The following PSME4 variants were observed in gnomAD, a reference collection of about 807,000 sequenced individuals.
The protein encoded by PSME4 is proteasome activator subunit 4.
A neutral mutation model predicts 253.9 loss-of-function variants in PSME4; 89 were observed. That is an observed-to-expected ratio of 0.35 (90% CI 0.30 to 0.42). The LOEUF (loss-of-function observed/expected upper bound fraction) is 0.42, where lower values mean the gene tolerates loss of function less well. Ranked by LOEUF, PSME4 falls within the 10% of genes least tolerant of loss-of-function variation. PSME4 has a pLI of 1.00. For synonymous variants in PSME4, 851 were observed against 759.2 expected, an observed-to-expected ratio of 1.12 and a Z score of -1.99; for missense variants, 2,014 against 2,195.2, an observed-to-expected ratio of 0.92 and a Z score of 1.65.
At chr2:53,898,076 T>C (rs902241944) in intron 30 of PSME4, 77 bp from the exon 31 acceptor site, 14 of 1,479,608 alleles carry the variant, frequency 9.5e-6, no homozygotes, top group Admixed American at 2.2e-5. Flanking sequence ...TGAAACACCT[T>C]ATAATTTTAA....
intron 36 of PSME4, among the ~76,000 whole-genome samples, chr2:53,890,669 G>T (rs1679863196): frequency 6.6e-6 from 1 of 152,060 alleles, no homozygotes; most frequent in African/African-American, 2.4e-5. Context: ...ACATATCCAG[G>T]TATAGGTGAA....
chr2:53,966,320 CTTAAT>C lies in PSME4; in HGVS notation c.242+4218_242+4222del, dbSNP rs376871122. The stretch of plus-strand genomic sequence containing the variant: ...AAATAAAAAATAAAACACTCCACTA[CTTAAT>C]TTAAAGTTTGAAAAACCACTAATAA... On this transcript the variant is annotated intron_variant, in intron 1 of 46. Coordinates refer to ENST00000404125, the MANE Select transcript of PSME4 (RefSeq NM_014614.3). Among the ~76,000 whole-genome samples the C allele has an allele frequency of 4.6e-3, 697 of 152,222 alleles. 9 individuals are homozygous for C. Among genetic ancestry groups the C allele is most frequent in the African/African-American group, 0.016 (666 of 41,554 alleles).
chr2:53,920,863 A>G (rs766915087), intron 18 of PSME4, 26 bp downstream of exon 18: 12 of 1,534,530 alleles, frequency 7.8e-6, no homozygotes, highest in Non-Finnish European at 9.9e-6. Flanking sequence ...CATATTCTTG[A>G]ATCCTAAAGT....
At chr2:53,926,490 A>G (rs1056524810) in intron 12 of PSME4, among the ~76,000 whole-genome samples, 3 of 152,176 alleles carry the variant, frequency 2.0e-5, no homozygotes, top group Non-Finnish European at 4.4e-5. Context: ...TCTGGCCAAC[A>G]TGGCAAAACC....
rs150492878 is a variant in PSME4 at position 53,927,263 on chromosome 2, C to T, written c.1593+131G>A. The T allele has an allele frequency of 4.9e-4, 328 of 670,574 alleles. 2 individuals are homozygous for T. The highest frequency in any genetic ancestry group is 3.1e-3 in the Middle Eastern group (9 of 2,912). The allele number at this position is 670,574 out of a possible 1,614,324, so 41.5% of individuals were successfully genotyped here. A position where few individuals can be genotyped will look rare whatever the true frequency, so the allele number is the denominator to read the frequency against. ...TCTTGCCAATGATGTCCTGGCCCTC[C>T]ATATGTACCATTCTAGTCACAAAAT... is the stretch of plus-strand genomic sequence containing the variant. On this transcript the variant is annotated intron_variant, in intron 12 of 46. Transcript: ENST00000404125.
At chr2:53,912,571 A>G (rs1667871255) in intron 20 of PSME4, among the ~76,000 whole-genome samples, 1 of 152,126 alleles carries the variant, frequency 6.6e-6, no homozygotes, top group African/African-American at 2.4e-5. Context: ...GGACTCACAT[A>G]CACCTCAGGC....
At chr2:53,924,725 T>C (rs1404870168) in intron 14 of PSME4, among the ~76,000 whole-genome samples, 2 of 152,212 alleles carry the variant, frequency 1.3e-5, no homozygotes, top group African/African-American at 2.4e-5. Context: ...CTGCACCCAT[T>C]AACTCGTCAC....
At chr2:53,917,366 ACTT>A (rs1668108506) in intron 20 of PSME4, 2 of 152,314 alleles carry the variant, frequency 1.3e-5, no homozygotes, top group South Asian at 2.1e-4. Context: ...ATTAAAATGC[ACTT>A]CATTATAAAA....
chr2:53,871,373 C>T (rs889443664), intron 43 of PSME4, among the ~76,000 whole-genome samples: 10 of 151,990 alleles, frequency 6.6e-5, no homozygotes, highest in African/African-American at 2.4e-4. Context: ...GCCTCAGCCT[C>T]CCAAGTAGCT....
At chr2:53,952,218 G>T (rs1015155551) in intron 1 of PSME4, among the ~76,000 whole-genome samples, 3 of 151,974 alleles carry the variant, frequency 2.0e-5, no homozygotes, top group Non-Finnish European at 4.4e-5. Flanking sequence ...GGCAGATCAC[G>T]TGAGATTAGG....
At chr2:53,890,051 A>C (rs1679833322) in intron 37 of PSME4, 53 bp downstream of exon 37, 2 of 1,331,240 alleles carry the variant, frequency 1.5e-6, no homozygotes, top group Admixed American at 3.5e-5. Context: ...GAGAGACAGT[A>C]TCAAACAGTT....
In PSME4 at chr2:53,939,979, T is replaced by A; in HGVS notation, c.522A>T (p.Lys174Asn). ...ACGGTCGGCAGCTTTTCACGAGTGT[T>A]TTGAGAATATTTTCTACAGAACTGG... ...WFPNSVENILKTLVKSCRPYF... is the reference protein window; with the variant it reads ...WFPNSVENILNTLVKSCRPYF... The change falls in exon 4 of 47, where the codon AAA becomes AAT. Residue 174 changes from lysine to asparagine, a missense_variant. Around this residue, in one of 4 missense-constraint regions of PSME4, gnomAD observed 615 missense variants for 594.4 expected, o/e 1.03. Transcript: ENST00000404125. The A allele has an allele frequency of 6.3e-7, 1 of 1,594,248 alleles. No homozygotes were observed. The highest frequency in any genetic ancestry group is 8.6e-7 in the Non-Finnish European group (1 of 1,165,288).
At chr2:53,866,038 G>C (rs1321651089) in intron 46 of PSME4, 47 bp downstream of exon 46, 5 of 1,511,540 alleles carry the variant, frequency 3.3e-6, no homozygotes, top group African/African-American at 1.4e-5. Context: ...TAAATATCTA[G>C]TTCTCAGTCA....
intron 1 of PSME4, among the ~76,000 whole-genome samples, chr2:53,963,137 G>A (rs971844818): frequency 6.6e-6 from 1 of 152,080 alleles, no homozygotes; most frequent in East Asian, 1.9e-4. Context: ...GCCAGCCTGA[G>A]CAACATAGTG....
intron 16 of PSME4, 43 bp downstream of exon 16, chr2:53,923,006 T>G: frequency 1.4e-6 from 2 of 1,379,656 alleles, no homozygotes; most frequent in East Asian, 2.5e-5. Flanking sequence ...AGAAAAAAAC[T>G]TATCCAAAAT....
At chr2:53,877,507 G>C (rs1345218452) in intron 41 of PSME4, among the ~76,000 whole-genome samples, 1 of 150,800 alleles carries the variant, frequency 6.6e-6, no homozygotes, top group African/African-American at 2.4e-5. Context: ...TGAAACTGTT[G>C]TTAAAAAAAA....
intron 1 of PSME4, 90 bp downstream of exon 1, chr2:53,970,453 G>A (rs1671011897): frequency 1.3e-6 from 2 of 1,535,142 alleles, no homozygotes; most frequent in African/African-American, 1.4e-5. Context: ...AGAGCTAAGG[G>A]TCCAGCCCTC....
At chr2:53,919,491 G>A (rs1668203894) in intron 19 of PSME4, among the ~76,000 whole-genome samples, 1 of 152,120 alleles carries the variant, frequency 6.6e-6, no homozygotes, top group Non-Finnish European at 1.5e-5. Context: ...ACTGCCCTTT[G>A]TGAAACAACT....
chr2:53,967,353 GA>G (rs889000852), intron 1 of PSME4, among the ~76,000 whole-genome samples: 12 of 151,868 alleles, frequency 7.9e-5, no homozygotes, highest in African/African-American at 2.9e-4. Flanking sequence ...TAAAAATGAA[GA>G]AAAAAGTCAA....
Sources: allele counts gnomAD v4.1 joint callset (sites outside exome capture counted in the v4.1 genomes callset), GRCh38; gene constraint gnomAD v4.1.1; regional missense constraint gnomAD v4.1.1; transcripts MANE v1.5; gene names NCBI Gene and HGNC (gene_info 2026-07-23, HGNC 2026-07-21).